Variants in RBMS3 observed in about 807,000 individuals in gnomAD.
RBMS3 encodes RNA-binding motif, single-stranded-interacting protein 3.
RBMS3 carries 27 observed loss-of-function variants against 66.8 expected under a neutral mutation model. The observed-to-expected ratio is 0.40, with a 90% CI of 0.30 to 0.56. The LOEUF (loss-of-function observed/expected upper bound fraction) is 0.56. RBMS3 is among the 20% of genes least tolerant of loss of function. The probability of loss-of-function intolerance (pLI) is 0.40; values close to 1 mark genes in which losing one functional copy is unlikely to be tolerated. For missense variants in RBMS3, 513 were observed against 549.5 expected, an observed-to-expected ratio of 0.93 and a Z score of 0.66; for synonymous variants, 188 against 183.0, an observed-to-expected ratio of 1.03 and a Z score of -0.22.
chr3:29,791,338 G>C (rs1027250789), intron 6 of RBMS3, among the ~76,000 whole-genome samples: 3 of 152,064 alleles, frequency 2.0e-5, no homozygotes, highest in African/African-American at 7.2e-5. Flanking sequence ...CACAATGAAA[G>C]TAACTGACCA....
At chr3:29,936,657 C>A (rs1386208804) in intron 11 of RBMS3, among the ~76,000 whole-genome samples, 5 of 151,990 alleles carry the variant, frequency 3.3e-5, no homozygotes, top group Admixed American at 2.0e-4. Context: ...TAATCGAGTT[C>A]TTTTAATCCT....
chr3:29,648,600 A>G (rs144638170), intron 4 of RBMS3, among the ~76,000 whole-genome samples: 2 of 152,208 alleles, frequency 1.3e-5, no homozygotes, highest in African/African-American at 2.4e-5. Flanking sequence ...ACTTCTTAAC[A>G]TGAACTCACG....
intron 4 of RBMS3, among the ~76,000 whole-genome samples, chr3:29,702,122 C>T (rs536765684): frequency 1.3e-5 from 2 of 152,138 alleles, no homozygotes; most frequent in African/African-American, 4.8e-5. Context: ...CTGTGTCTAG[C>T]TCAAGGTTTG....
chr3:29,937,581 T>C (rs1039409948), intron 11 of RBMS3, among the ~76,000 whole-genome samples: 6 of 151,966 alleles, frequency 3.9e-5, no homozygotes, highest in African/African-American at 1.4e-4. Context: ...ACAAAGTGCC[T>C]ATCACTAAGA....
At chr3:29,384,620 G>A (rs965273630) in intron 1 of RBMS3, among the ~76,000 whole-genome samples, 4 of 152,124 alleles carry the variant, frequency 2.6e-5, no homozygotes, top group African/African-American at 9.7e-5. Flanking sequence ...TTTTGCTACC[G>A]ATAATGATAA....
chr3:29,726,659 G>C (rs981553985), intron 4 of RBMS3, among the ~76,000 whole-genome samples: 1 of 152,072 alleles, frequency 6.6e-6, no homozygotes, highest in Non-Finnish European at 1.5e-5. Flanking sequence ...GGATGTGAAG[G>C]ACCTCTTCAA....
chr3:29,915,668 G>A lies in RBMS3; in HGVS notation c.939+15913G>A, dbSNP rs550459006. Among the ~76,000 whole-genome samples, 19 of 152,014 alleles carry A rather than the reference G, an allele frequency of 1.2e-4. No individual in the cohort carries two copies. The East Asian group carries it at 3.7e-3, about 29-fold the overall frequency. On this transcript the variant is annotated intron_variant, in intron 10 of 14. Transcript: ENST00000383767. ...AAATTGTCAAGAGTGAGGATTCATT[G>A]ACAGACAATCAGCAGGAGGTCCTTT...
chr3:29,908,678 G>A (rs17024591), intron 10 of RBMS3, among the ~76,000 whole-genome samples: 10,230 of 151,592 alleles, frequency 0.067, 599 homozygotes, highest in African/African-American at 0.16. Context: ...TTGACTCCTC[G>A]TCTTATAACA....
In RBMS3 at chr3:29,730,959, G is replaced by T. The variant is rs185445503; in HGVS notation, c.400-8761G>T. The T allele has an allele frequency of 1.7e-4, 172 of 985,356 alleles. 1 individual carries two copies. The African/African-American group carries it at 2.8e-3, about 16-fold the overall frequency. The allele number at this position is 985,356 out of a possible 1,614,324, so 61.0% of individuals were successfully genotyped here. A position where few individuals can be genotyped will look rare whatever the true frequency, so the allele number is the denominator to read the frequency against. The stretch of plus-strand genomic sequence containing the variant: ...AGTTCATGAGGTGTATATGGAGGGA[G>T]AAATCAAGGAAAGCCAGAGATCCAA... On this transcript the variant is annotated intron_variant, in intron 4 of 14. Transcript: ENST00000383767.
At chr3:29,842,697 G>T (rs2149506163) in intron 6 of RBMS3, among the ~76,000 whole-genome samples, 1 of 152,288 alleles carries the variant, frequency 6.6e-6, no homozygotes, top group East Asian at 1.9e-4. Flanking sequence ...TAGATGGGAA[G>T]ATTACCCTGA....
chr3:29,639,549 G>A (rs2049609450), intron 4 of RBMS3, among the ~76,000 whole-genome samples: 3 of 148,816 alleles, frequency 2.0e-5, no homozygotes, highest in African/African-American at 7.5e-5. Flanking sequence ...ATACTGTATG[G>A]CAAAAACCAG....
intron 4 of RBMS3, among the ~76,000 whole-genome samples, chr3:29,643,592 A>G (rs1362938587): frequency 6.6e-6 from 1 of 152,048 alleles, no homozygotes; most frequent in East Asian, 1.9e-4. Flanking sequence ...TGCAGGGACA[A>G]ATTAAGGAGC....
At chr3:29,980,759 C>G (rs1697931077) in intron 12 of RBMS3, among the ~76,000 whole-genome samples, 1 of 152,108 alleles carries the variant, frequency 6.6e-6, no homozygotes, top group Admixed American at 6.6e-5. Flanking sequence ...TGGCATATTT[C>G]TGAGGCCTCT....
chr3:29,904,495 T>C (rs1284032126), intron 10 of RBMS3, among the ~76,000 whole-genome samples: 3 of 152,022 alleles, frequency 2.0e-5, no homozygotes, highest in East Asian at 3.9e-4. Context: ...TATAGATCTA[T>C]ATCAATTTTG....
intron 8 of RBMS3, among the ~76,000 whole-genome samples, chr3:29,892,963 C>T (rs1364063235): frequency 1.3e-5 from 2 of 151,204 alleles, no homozygotes; most frequent in East Asian, 2.0e-4. Flanking sequence ...CTGCAGTTCC[C>T]TCCTTGGAGT....
intron 3 of RBMS3, among the ~76,000 whole-genome samples, chr3:29,542,990 A>G (rs528858500): frequency 6.6e-6 from 1 of 152,218 alleles, no homozygotes; most frequent in Admixed American, 6.5e-5. Flanking sequence ...ATGATAAAAC[A>G]TGGGTTATAG....
chr3:29,862,672 C>T (rs997107652), intron 6 of RBMS3, among the ~76,000 whole-genome samples: 3 of 151,584 alleles, frequency 2.0e-5, no homozygotes, highest in Non-Finnish European at 4.4e-5. Context: ...GAGGAACTGC[C>T]CTTAGAAGTG....
At chr3:29,879,366 C>G (rs933939700) in intron 7 of RBMS3, among the ~76,000 whole-genome samples, 1 of 152,002 alleles carries the variant, frequency 6.6e-6, no homozygotes, top group Non-Finnish European at 1.5e-5. Flanking sequence ...TTTTAATTAA[C>G]TTATTTTTTA....
intron 7 of RBMS3, among the ~76,000 whole-genome samples, chr3:29,883,810 A>C (rs2059792164): frequency 6.6e-6 from 1 of 151,990 alleles, no homozygotes; most frequent in Admixed American, 6.6e-5. Flanking sequence ...ATTCGTTCTT[A>C]CTTTTTTATC....
Sources: gnomAD v4.1 joint callset for allele counts (sites outside exome capture counted in the v4.1 genomes callset) on GRCh38, gnomAD v4.1.1 for gene constraint, MANE v1.5 for transcripts, NCBI Gene and HGNC (gene_info 2026-07-23, HGNC 2026-07-21) for gene names.